Variants in ADGRV1 observed in about 807,000 individuals in gnomAD.
The protein encoded by ADGRV1 is adhesion G protein-coupled receptor V1, also known as G-protein coupled receptor 98.
A neutral mutation model predicts 596.2 loss-of-function variants in ADGRV1; 359 were observed. The observed-to-expected ratio is 0.60, with a 90% CI of 0.55 to 0.66. The LOEUF is 0.66. Ranked by LOEUF, ADGRV1 falls within the 30% of genes least tolerant of loss-of-function variation. The probability of loss-of-function intolerance (pLI) is 0.00; values close to 1 mark genes in which losing one functional copy is unlikely to be tolerated. For missense variants in ADGRV1, 7,274 were observed against 7,575.6 expected (o/e 0.96, Z 1.48); for synonymous variants, 2,681 against 2,679.2 (o/e 1.00, Z -0.02).
intron 83 of ADGRV1, among the ~76,000 whole-genome samples, chr5:90,963,443 TGTG>T (rs1009878281): frequency 1.3e-5 from 2 of 152,094 alleles, no homozygotes; most frequent in South Asian, 2.1e-4. Context: ...AAAGCTATGT[TGTG>T]GTGCATTCTA....
chr5:91,010,703 T>G (rs1372324089), intron 85 of ADGRV1, among the ~76,000 whole-genome samples: 1 of 152,034 alleles, frequency 6.6e-6, no homozygotes, highest in African/African-American at 2.4e-5. Flanking sequence ...TTTCTATAAG[T>G]TAATCAAATT....
chr5:90,636,955 T>C (rs1766291644), intron 10 of ADGRV1, among the ~76,000 whole-genome samples: 1 of 152,224 alleles, frequency 6.6e-6, no homozygotes, highest in African/African-American at 2.4e-5. Context: ...CCTTTTATTA[T>C]ACATTTTTTA....
chr5:90,637,620 T>C, intron 10 of ADGRV1, 105 bp from the exon 11 acceptor site: 1 of 705,818 alleles, frequency 1.4e-6, no homozygotes, highest in African/African-American at 1.8e-5. Context: ...AGAATACATA[T>C]GTTCACACAG....
intron 55 of ADGRV1, 68 bp from the exon 56 acceptor site, chr5:90,756,386 C>A: frequency 1.0e-6 from 1 of 991,400 alleles, no homozygotes; most frequent in Non-Finnish European, 1.5e-6. Flanking sequence ...TGAAAAATAT[C>A]AAGTATTCAA....
Position 90,625,362 on chromosome 5 carries a change from G to A in ADGRV1, c.672+119G>A. On this transcript the variant is annotated intron_variant, in intron 6 of 89. Transcript: ENST00000405460. ...CAGCTATAAATAGCTGACTGTTCTG[G>A]AATACATCTTATTACTATTTATCTT... The A allele has an allele frequency of 7.0e-6, 4 of 574,338 alleles. No individual in the cohort carries two copies. The South Asian group carries it at 1.1e-4, about 16-fold the overall frequency. The allele number at this position is 574,338 out of a possible 1,614,324, so 35.6% of individuals were successfully genotyped here.
intron 85 of ADGRV1, among the ~76,000 whole-genome samples, chr5:91,004,436 A>C (rs966410263): frequency 6.6e-6 from 1 of 152,164 alleles, no homozygotes; most frequent in African/African-American, 2.4e-5. Context: ...CGGTCCTAAA[A>C]AAAAAAAAAT....
chr5:90,615,085 G>A, intron 2 of ADGRV1, 66 bp downstream of exon 2: 1 of 1,045,786 alleles, frequency 9.6e-7, no homozygotes, highest in Non-Finnish European at 1.3e-6. Flanking sequence ...TTAATGGCAA[G>A]GATTTTTTTT....
intron 28 of ADGRV1, among the ~76,000 whole-genome samples, chr5:90,684,846 A>T (rs1489226862): frequency 1.3e-5 from 2 of 152,196 alleles, no homozygotes; most frequent in African/African-American, 4.8e-5. Flanking sequence ...GACAGTATTA[A>T]TTAAGAATGG....
At chr5:90,682,089 C>A (rs1323493348) in intron 27 of ADGRV1, among the ~76,000 whole-genome samples, 1 of 152,110 alleles carries the variant, frequency 6.6e-6, no homozygotes, top group Non-Finnish European at 1.5e-5. Flanking sequence ...TGGTCTCAAA[C>A]TCCCAACCTC....
chr5:90,730,502 C>G (rs1333075905), intron 50 of ADGRV1, among the ~76,000 whole-genome samples: 1 of 152,154 alleles, frequency 6.6e-6, no homozygotes, highest in African/African-American at 2.4e-5. Context: ...TCTTCATGAA[C>G]TCTCCCAACC....
At chr5:91,093,388 T>G (rs1239950173) in intron 86 of ADGRV1, among the ~76,000 whole-genome samples, 1 of 152,240 alleles carries the variant, frequency 6.6e-6, no homozygotes, top group Non-Finnish European at 1.5e-5. Flanking sequence ...ATTCTTGTAC[T>G]TTCGAAGTCC....
chr5:90,831,530 A>G (rs568552397), intron 77 of ADGRV1, among the ~76,000 whole-genome samples: 7 of 152,280 alleles, frequency 4.6e-5, no homozygotes, highest in Admixed American at 4.6e-4. Context: ...TGGGGTATCC[A>G]CCACCTCAAG....
intron 53 of ADGRV1, among the ~76,000 whole-genome samples, chr5:90,753,358 A>G (rs1450561711): frequency 2.0e-5 from 3 of 151,546 alleles, no homozygotes. Flanking sequence ...TTTTTTTATT[A>G]GCTTAAAGTT....
At chr5:90,624,779 C>T (rs1764522402) in intron 5 of ADGRV1, among the ~76,000 whole-genome samples, 1 of 152,102 alleles carries the variant, frequency 6.6e-6, no homozygotes, top group Admixed American at 6.5e-5. Context: ...ATCTTCACAT[C>T]CAGCTTGTGA....
rs142533289 is a variant in ADGRV1 at position 90,853,586 on chromosome 5, G to C, written c.17454+53G>C. 9.5e-4 allele frequency: 1,460 copies of C among 1,537,696 alleles called. 12 individuals are homozygous for C. The African/African-American group carries it at 0.018, about 19-fold the overall frequency. Reference sequence around the variant, plus strand: ...GGTTGGAATCTGATTTATTTCTTTAGCAGGCACACTTGGAATGCATTTGTT... The same window carrying C: ...GGTTGGAATCTGATTTATTTCTTTACCAGGCACACTTGGAATGCATTTGTT... On this transcript the variant is annotated intron_variant, in intron 80 of 89. Coordinates refer to ENST00000405460, the MANE Select transcript of ADGRV1 (RefSeq NM_032119.4).
At chr5:90,682,860 T>C (rs916897393) in intron 27 of ADGRV1, among the ~76,000 whole-genome samples, 4 of 152,230 alleles carry the variant, frequency 2.6e-5, no homozygotes, top group Non-Finnish European at 5.9e-5. Flanking sequence ...CAAAAGCATA[T>C]CTTCCTTCTT....
chr5:90,689,607 C>A (rs1746198324), intron 29 of ADGRV1, among the ~76,000 whole-genome samples: 1 of 151,966 alleles, frequency 6.6e-6, no homozygotes, highest in Non-Finnish European at 1.5e-5. Context: ...AATAGATATA[C>A]ATCTTTCTGA....
intron 87 of ADGRV1, among the ~76,000 whole-genome samples, chr5:91,136,560 G>A (rs1794655051): frequency 6.6e-6 from 1 of 152,176 alleles, no homozygotes; most frequent in African/African-American, 2.4e-5. Flanking sequence ...TCAACTTTGT[G>A]CAAATTCTTT....
intron 86 of ADGRV1, among the ~76,000 whole-genome samples, chr5:91,097,569 C>T (rs1317476996): frequency 6.6e-6 from 1 of 152,190 alleles, no homozygotes; most frequent in Non-Finnish European, 1.5e-5. Context: ...CCTGTGCCTT[C>T]ACTTTTTTGA....
Sources: allele counts gnomAD v4.1 joint callset (sites outside exome capture counted in the v4.1 genomes callset), GRCh38; gene constraint gnomAD v4.1.1; transcripts MANE v1.5; gene names NCBI Gene and HGNC (gene_info 2026-07-23, HGNC 2026-07-21).